Variants in EYS observed in about 807,000 individuals in gnomAD.
EYS encodes the protein protein eyes shut homolog.
Under a neutral mutation model 282.1 loss-of-function variants are expected in EYS, and 250 were observed. The observed-to-expected ratio is 0.89, with a 90% CI of 0.80 to 0.98. EYS has a LOEUF of 0.98. Ranked by LOEUF, EYS falls within the 50% of genes least tolerant of loss-of-function variation. EYS has a pLI of 0.00. For missense variants in EYS, 4,016 were observed against 3,709.0 expected (o/e 1.08, Z -2.15); for synonymous variants, 1,355 against 1,282.9 (o/e 1.06, Z -1.20).
At chr6:64,480,838 T>C (rs1776415573) in intron 26 of EYS, among the ~76,000 whole-genome samples, 1 of 151,744 alleles carries the variant, frequency 6.6e-6, no homozygotes, top group Non-Finnish European at 1.5e-5. Context: ...ACAACATACA[T>C]TTTAATTTGC....
intron 31 of EYS, among the ~76,000 whole-genome samples, chr6:64,209,257 C>G (rs1325549769): frequency 6.6e-6 from 1 of 151,994 alleles, no homozygotes; most frequent in Non-Finnish European, 1.5e-5. Context: ...ACATATTTTT[C>G]CTAGTAATAA....
intron 2 of EYS, among the ~76,000 whole-genome samples, chr6:65,619,057 A>C (rs895284702): frequency 2.0e-5 from 3 of 151,946 alleles, no homozygotes; most frequent in African/African-American, 7.3e-5. Flanking sequence ...GTTCCATATG[A>C]ACTTTAAAGT....
intron 12 of EYS, among the ~76,000 whole-genome samples, chr6:65,223,498 G>T (rs915637423): frequency 6.6e-6 from 1 of 152,140 alleles, no homozygotes. Flanking sequence ...GAGATAAGTG[G>T]TCTATATTCC....
chr6:65,288,722 G>T (rs147178628), intron 12 of EYS, among the ~76,000 whole-genome samples: 1 of 150,984 alleles, frequency 6.6e-6, no homozygotes, highest in Non-Finnish European at 1.5e-5. Flanking sequence ...TCTAATATTG[G>T]ATGTATAAAA....
intron 2 of EYS, among the ~76,000 whole-genome samples, chr6:65,517,191 A>G (rs186937276): frequency 6.6e-6 from 1 of 151,968 alleles, no homozygotes; most frequent in African/African-American, 2.4e-5. Flanking sequence ...CTGTATATCT[A>G]AGGATATTAT....
rs780119391 is a variant in EYS, at chr6:64,404,972, CTT to C, written c.5928-16134_5928-16133del. Among the ~76,000 whole-genome samples, 18 of 151,064 alleles carry C rather than the reference CTT, an allele frequency of 1.2e-4. No homozygotes were observed. In the East Asian group the frequency reaches 2.5e-3, roughly 21 times the overall value. On this transcript the variant is annotated intron_variant, in intron 28 of 42. Transcript: ENST00000503581. The stretch of plus-strand genomic sequence containing the variant: ...AGGCCACTTAACTTTTTTTAACACT[CTT>C]ATTTATTTTATTTTATTTATTTTAA...
chr6:64,107,062 T>A (rs1773039076), intron 31 of EYS, among the ~76,000 whole-genome samples: 1 of 151,128 alleles, frequency 6.6e-6, no homozygotes, highest in South Asian at 2.1e-4. Context: ...ATTACTACTA[T>A]CTGTTCTTGC....
chr6:64,935,560 A>G (rs1768880206), intron 15 of EYS, among the ~76,000 whole-genome samples: 1 of 151,674 alleles, frequency 6.6e-6, no homozygotes, highest in Non-Finnish European at 1.5e-5. Context: ...CTGAAAAACC[A>G]TTAACTAGAA....
chr6:65,215,169 T>C (rs1360721457), intron 12 of EYS, among the ~76,000 whole-genome samples: 2 of 152,098 alleles, frequency 1.3e-5, no homozygotes, highest in Non-Finnish European at 2.9e-5. Context: ...ATAGATACCA[T>C]AGATAGTGAT....
chr6:64,605,560 A>G (rs1766901971), intron 24 of EYS, among the ~76,000 whole-genome samples: 1 of 151,868 alleles, frequency 6.6e-6, no homozygotes, highest in African/African-American at 2.4e-5. Context: ...CCTACTGTCA[A>G]TAGCATCCTC....
At chr6:65,542,877 A>G (rs1768223106) in intron 2 of EYS, among the ~76,000 whole-genome samples, 1 of 152,192 alleles carries the variant, frequency 6.6e-6, no homozygotes, top group African/African-American at 2.4e-5. Flanking sequence ...ATTTATCTGC[A>G]CTGTTACTTT....
intron 26 of EYS, among the ~76,000 whole-genome samples, chr6:64,479,659 T>C (rs1776377024): frequency 6.6e-6 from 1 of 151,920 alleles, no homozygotes; most frequent in African/African-American, 2.4e-5. Flanking sequence ...TTAGAGATAA[T>C]TTAAAGCATT....
At chr6:64,917,550 G>A (rs901783755) in intron 15 of EYS, among the ~76,000 whole-genome samples, 145 of 152,118 alleles carry the variant, frequency 9.5e-4, no homozygotes, top group African/African-American at 3.1e-3. Context: ...GCTACTGGGA[G>A]GTGGAGGAGA....
chr6:64,982,394 C>A (rs546046956), intron 14 of EYS, among the ~76,000 whole-genome samples: 16 of 151,364 alleles, frequency 1.1e-4, no homozygotes, highest in Non-Finnish European at 1.9e-4. Context: ...CATTAAGAAT[C>A]ATTTATTTAC....
At chr6:63,725,123 A>C (rs1272680497) in intron 42 of EYS, among the ~76,000 whole-genome samples, 1 of 152,114 alleles carries the variant, frequency 6.6e-6, no homozygotes, top group African/African-American at 2.4e-5. Flanking sequence ...ATATTTAAAA[A>C]TTTTCATGAT....
intron 13 of EYS, among the ~76,000 whole-genome samples, chr6:65,026,007 C>A (rs1295035347): frequency 6.6e-6 from 1 of 152,102 alleles, no homozygotes; most frequent in Non-Finnish European, 1.5e-5. Flanking sequence ...CTCTAAATTG[C>A]CATATGTATT....
chr6:65,213,420 T>C (rs1194170715), intron 12 of EYS, among the ~76,000 whole-genome samples: 2 of 152,218 alleles, frequency 1.3e-5, no homozygotes, highest in East Asian at 1.9e-4. Flanking sequence ...GATGCTGAGT[T>C]TTTGAACAAA....
At chr6:64,493,462 A>G (rs148477222) in intron 26 of EYS, among the ~76,000 whole-genome samples, 11 of 151,708 alleles carry the variant, frequency 7.3e-5, no homozygotes, top group Admixed American at 5.3e-4. Context: ...ACATTTGGCT[A>G]AATGGAACAA....
intron 31 of EYS, among the ~76,000 whole-genome samples, chr6:64,136,298 C>T (rs2150285011): frequency 1.3e-5 from 2 of 152,110 alleles, no homozygotes; most frequent in East Asian, 3.9e-4. Flanking sequence ...GAAGTTACTT[C>T]CTCTACTGTA....
Sources: allele counts gnomAD v4.1 joint callset (sites outside exome capture counted in the v4.1 genomes callset), GRCh38; gene constraint gnomAD v4.1.1; transcripts MANE v1.5; gene names NCBI Gene and HGNC (gene_info 2026-07-23, HGNC 2026-07-21).